The following DCDC1 variants were observed in gnomAD, a reference collection of about 807,000 sequenced individuals.
The protein encoded by DCDC1 is doublecortin domain-containing protein 1.
A neutral mutation model predicts 178.3 loss-of-function variants in DCDC1; 200 were observed. The observed-to-expected ratio is 1.12, with a 90% CI of 1.00 to 1.26. DCDC1 has a LOEUF of 1.26. Ranked by LOEUF, DCDC1 falls within the 50% of genes most tolerant of loss-of-function variation. The pLI, the probability that DCDC1 is intolerant of heterozygous loss-of-function variation, is 0.00. For synonymous variants in DCDC1, 690 were observed against 604.8 expected, an observed-to-expected ratio of 1.14 and a Z score of -2.07; for missense variants, 1,983 against 1,749.2, an observed-to-expected ratio of 1.13 and a Z score of -2.38.
At chr11:30,989,075 T>A (rs961804606) in intron 20 of DCDC1, among the ~76,000 whole-genome samples, 1 of 152,006 alleles carries the variant, frequency 6.6e-6, no homozygotes, top group Non-Finnish European at 1.5e-5. Flanking sequence ...AGAGGTAATA[T>A]AGAAGTCAGA....
chr11:31,115,979 A>AGG, intron 11 of DCDC1, among the ~76,000 whole-genome samples: 1 of 9,860 alleles, frequency 1.0e-4, no homozygotes, highest in African/African-American at 3.9e-4. Flanking sequence ...TAGCTGTGGC[A>AGG]GTGGGGGGGG....
chr11:31,137,338 A>G (rs1963256010), intron 10 of DCDC1, among the ~76,000 whole-genome samples: 1 of 148,638 alleles, frequency 6.7e-6, no homozygotes. Flanking sequence ...TCATTTTAAA[A>G]TTAGTGTTCA....
chr11:31,306,481 GC>G (rs1225883965), intron 4 of DCDC1, 93 bp from the exon 5 acceptor site: 16 of 1,327,830 alleles, frequency 1.2e-5, no homozygotes, highest in Middle Eastern at 2.1e-4. Flanking sequence ...ACAGATATAA[GC>G]ACTAAAGATT....
intron 20 of DCDC1, among the ~76,000 whole-genome samples, chr11:31,017,454 C>T (rs1260100845): frequency 1.3e-5 from 2 of 151,886 alleles, no homozygotes; most frequent in Non-Finnish European, 2.9e-5. Flanking sequence ...ATACATACAA[C>T]ATACAAATTA....
chr11:30,865,726 G>A (rs1327655691), intron 38 of DCDC1, among the ~76,000 whole-genome samples: 1 of 151,912 alleles, frequency 6.6e-6, no homozygotes, highest in Admixed American at 6.6e-5. Context: ...ACAGTTGAGT[G>A]CATTCAATTT....
Position 31,284,737 on chromosome 11 carries a change from C to G in DCDC1, c.960+5910G>C, listed in dbSNP as rs930206915. Among the ~76,000 whole-genome samples the G allele has an allele frequency of 4.6e-5, 7 of 151,768 alleles. No homozygotes were observed. In the East Asian group the frequency reaches 9.7e-4, roughly 21 times the overall value. ...CACTGCAGCCTCTGCCTCTAAGGTTCAAGCAATTCTCCTGCCTCAGCCTCC... is the reference window on the plus strand; with the variant it reads ...CACTGCAGCCTCTGCCTCTAAGGTTGAAGCAATTCTCCTGCCTCAGCCTCC... On this transcript the variant is annotated intron_variant, in intron 7 of 38. Coordinates refer to ENST00000684477, the MANE Select transcript of DCDC1 (RefSeq NM_001387274.1).
chr11:31,247,924 T>C (rs1943692978), intron 8 of DCDC1, among the ~76,000 whole-genome samples: 1 of 152,194 alleles, frequency 6.6e-6, no homozygotes, highest in South Asian at 2.1e-4. Flanking sequence ...GTAAAATAAT[T>C]GGTTTGGCAT....
At chr11:31,217,849 T>C (rs1172245103) in intron 9 of DCDC1, among the ~76,000 whole-genome samples, 5 of 152,098 alleles carry the variant, frequency 3.3e-5, no homozygotes, top group Non-Finnish European at 5.9e-5. Context: ...AGAGAAGTAA[T>C]ATGCAAGTGG....
chr11:30,970,317 G>A (rs1294170786), intron 20 of DCDC1, among the ~76,000 whole-genome samples: 1 of 152,082 alleles, frequency 6.6e-6, no homozygotes, highest in Admixed American at 6.6e-5. Context: ...ACCATTTTGA[G>A]GGCCCAGTCC....
intron 3 of DCDC1, among the ~76,000 whole-genome samples, chr11:31,324,749 A>G (rs1949557749): frequency 6.6e-6 from 1 of 152,146 alleles, no homozygotes; most frequent in South Asian, 2.1e-4. Flanking sequence ...ATATTTCAAA[A>G]ATGTTTATAT....
intron 20 of DCDC1, among the ~76,000 whole-genome samples, chr11:31,048,137 A>G (rs2135393817): frequency 6.6e-6 from 1 of 152,300 alleles, no homozygotes. Flanking sequence ...TACTTAGGAG[A>G]GCTAGGACTG....
intron 8 of DCDC1, among the ~76,000 whole-genome samples, chr11:31,257,716 A>G (rs542231698): frequency 6.6e-6 from 1 of 151,384 alleles, no homozygotes; most frequent in East Asian, 2.0e-4. Context: ...ACACACACAC[A>G]CACATACACA....
intron 21 of DCDC1, among the ~76,000 whole-genome samples, chr11:30,942,872 T>G (rs1195104972): frequency 6.6e-6 from 1 of 152,218 alleles, no homozygotes; most frequent in Non-Finnish European, 1.5e-5. Flanking sequence ...TTCAAAACTT[T>G]ACAAATGTTA....
chr11:31,361,693 C>A (rs1951718108), intron 1 of DCDC1, among the ~76,000 whole-genome samples: 1 of 152,186 alleles, frequency 6.6e-6, no homozygotes, highest in East Asian at 1.9e-4. Context: ...GTTGGCCAGG[C>A]TGGTCTCAAA....
intron 20 of DCDC1, among the ~76,000 whole-genome samples, chr11:30,982,492 C>A (rs1481852145): frequency 6.6e-6 from 1 of 152,074 alleles, no homozygotes; most frequent in Non-Finnish European, 1.5e-5. Context: ...CATTAAAGAC[C>A]AAAGGAGCCT....
chr11:31,323,564 C>T (rs1238438778), intron 3 of DCDC1, among the ~76,000 whole-genome samples: 2 of 151,640 alleles, frequency 1.3e-5, no homozygotes, highest in African/African-American at 4.8e-5. Flanking sequence ...ATATTTCTTG[C>T]TTTATATTTT....
chr11:31,224,227 C>A (rs1974639437), intron 9 of DCDC1, among the ~76,000 whole-genome samples: 1 of 151,944 alleles, frequency 6.6e-6, no homozygotes, highest in African/African-American at 2.4e-5. Flanking sequence ...ACTAATACAA[C>A]ATATATGTAA....
chr11:31,217,552 A>C (rs188327688), intron 9 of DCDC1, among the ~76,000 whole-genome samples: 17 of 152,124 alleles, frequency 1.1e-4, no homozygotes, highest in Non-Finnish European at 2.2e-4. Flanking sequence ...GTAAGAAAAG[A>C]TCCAAATGTT....
At chr11:31,031,594 TA>T in intron 20 of DCDC1, among the ~76,000 whole-genome samples, 1 of 152,144 alleles carries the variant, frequency 6.6e-6, no homozygotes, top group East Asian at 1.9e-4. Context: ...TGTACACACT[TA>T]TTGTATAAGA....
Sources: gnomAD v4.1 joint callset for allele counts (sites outside exome capture counted in the v4.1 genomes callset) on GRCh38, gnomAD v4.1.1 for gene constraint, MANE v1.5 for transcripts, NCBI Gene and HGNC (gene_info 2026-07-23, HGNC 2026-07-21) for gene names.